The following SMUG1 variants were observed in gnomAD, a reference collection of about 807,000 sequenced individuals.
SMUG1 encodes the protein single-strand selective monofunctional uracil DNA glycosylase.
Under a neutral mutation model 23.9 loss-of-function variants are expected in SMUG1, and 13 were observed. That is an observed-to-expected ratio of 0.54 (90% CI 0.35 to 0.86). The LOEUF (loss-of-function observed/expected upper bound fraction) is 0.86, where lower values mean the gene tolerates loss of function less well. Ranked by LOEUF, SMUG1 falls within the 40% of genes least tolerant of loss-of-function variation. SMUG1 has a pLI of 0.01. For missense variants in SMUG1, 313 were observed against 339.5 expected, an observed-to-expected ratio of 0.92 and a Z score of 0.61; for synonymous variants, 133 against 139.8, an observed-to-expected ratio of 0.95 and a Z score of 0.34.
chr12:54,164,653 T>G (rs1247033636), downstream of SMUG1: 1 of 152,322 alleles, frequency 6.6e-6, no homozygotes, highest in Admixed American at 6.5e-5. Flanking sequence ...GGGAGGGGCT[T>G]GGACTCTGTT....
At chr12:54,173,597 G>A (rs1347460269) in intron 2 of SMUG1, among the ~76,000 whole-genome samples, 3 of 152,156 alleles carry the variant, frequency 2.0e-5, no homozygotes, top group Non-Finnish European at 4.4e-5. Context: ...CCTCATCGCC[G>A]CGCGGGCTGG....
At chr12:54,178,250 A>T (rs1940801536), downstream of SMUG1, among the ~76,000 whole-genome samples, 1 of 152,082 alleles carries the variant, frequency 6.6e-6, no homozygotes, top group East Asian at 1.9e-4. Context: ...GCAGTGTAAT[A>T]CAGTGTCCTT....
At position 54,183,883 on chromosome 12, in the gene SMUG1, G is replaced by A; in HGVS notation, c.58C>T (p.Pro20Ser). 1 of 1,608,538 alleles carries A rather than the reference G, an allele frequency of 6.2e-7. No homozygotes were observed. Among genetic ancestry groups the A allele is most frequent in the Non-Finnish European group, 8.5e-7 (1 of 1,177,548 alleles). ...IHEPAGALME[P>S]QPCPGSLAES... ...GCCAAGCTTCCAGGGCAGGGCTGGGGCTCCATGAGGGCACCTGCAGGCTCA... is the reference window on the plus strand; with the variant it reads ...GCCAAGCTTCCAGGGCAGGGCTGGGACTCCATGAGGGCACCTGCAGGCTCA... Residue 20 changes from proline (P) to serine (S), a missense_variant, in exon 3 of 4, where the codon CCC (proline) becomes TCC (serine). By Grantham distance (74) the Pro-to-Ser change is moderately conservative. Transcript: ENST00000682136.
intron 3 of SMUG1, among the ~76,000 whole-genome samples, chr12:54,170,423 A>C (rs2093515277): frequency 6.6e-6 from 1 of 152,058 alleles, no homozygotes; most frequent in Admixed American, 6.6e-5. Flanking sequence ...AGGGGAATGA[A>C]GCAGTGGCCC....
At position 54,182,583 on chromosome 12, in the gene SMUG1, C is replaced by A; in HGVS notation, c.326G>T (p.Gly109Val). Reference protein sequence around the residue: ...GEVSMVRDWLGIVGPVLTPPQ... With the variant: ...GEVSMVRDWLVIVGPVLTPPQ... ...AGGGGTCAGCACAGGCCCCACAATG[C>A]CCAACCAGTCCCGGACCATGCTTAC... The change falls in exon 4 of 4, where the codon GGC becomes GTC. Residue 109 changes from glycine to valine, a missense_variant. Gly to Val is a moderately radical substitution (Grantham distance 109). Transcript: ENST00000682136. 1 of 1,613,952 alleles carries A rather than the reference C, an allele frequency of 6.2e-7. No homozygotes were observed. Among genetic ancestry groups the A allele is most frequent in the Non-Finnish European group, 8.5e-7 (1 of 1,179,942 alleles).
chr12:54,171,420 G>A (rs547165071), intron 3 of SMUG1, among the ~76,000 whole-genome samples: 9 of 151,102 alleles, frequency 6.0e-5, no homozygotes, highest in East Asian at 2.0e-4. Flanking sequence ...GGTCGGGCGC[G>A]GTGGCTCACA....
At chr12:54,167,745 T>G (rs532666795) in intron 3 of SMUG1, among the ~76,000 whole-genome samples, 8 of 152,338 alleles carry the variant, frequency 5.3e-5, no homozygotes, top group African/African-American at 1.9e-4. Flanking sequence ...GTTCAAGGAA[T>G]ATGCCCTGAA....
chr12:54,160,808 G>A (rs937654219), downstream of SMUG1, among the ~76,000 whole-genome samples: 6 of 152,158 alleles, frequency 3.9e-5, no homozygotes, highest in South Asian at 2.1e-4. Flanking sequence ...TAGTCAAGCC[G>A]CACCCCCAAC....
At position 54,182,047 on chromosome 12, in the gene SMUG1, G is replaced by A. The variant is rs1941179145; in HGVS notation, c.*49C>T. Reference sequence around the variant, plus strand: ...GATGTGTTGTCATCTGCTTGGCCAAGAATGACTTCGAGGTCTTGAATGTGT... The same window carrying A: ...GATGTGTTGTCATCTGCTTGGCCAAAAATGACTTCGAGGTCTTGAATGTGT... On this transcript the variant is annotated 3_prime_UTR_variant, in exon 4 of 4. Transcript: ENST00000682136. 6.6e-7 allele frequency: 1 copy of A among 1,514,100 alleles called. No homozygotes were observed. Among genetic ancestry groups the A allele is most frequent in the Non-Finnish European group, 8.8e-7 (1 of 1,132,424 alleles). The allele number at this position is 1,514,100 out of a possible 1,614,324, so 93.8% of individuals were successfully genotyped here. A position where few individuals can be genotyped will look rare whatever the true frequency, so the allele number is the denominator to read the frequency against.
chr12:54,171,282 G>C (rs188143909), intron 3 of SMUG1, among the ~76,000 whole-genome samples: 107 of 151,820 alleles, frequency 7.0e-4, no homozygotes, highest in Admixed American at 2.0e-3. Context: ...TTACAGGTGT[G>C]AGCCACCACG....
chr12:54,171,433 T>G (rs1256277496), intron 3 of SMUG1, among the ~76,000 whole-genome samples: 2 of 150,348 alleles, frequency 1.3e-5, no homozygotes, highest in African/African-American at 4.9e-5. Context: ...GGCTCACACT[T>G]GTAATCCCAG....
At chr12:54,171,921 T>G (rs903121059) in intron 3 of SMUG1, 20 of 351,980 alleles carry the variant, frequency 5.7e-5, no homozygotes, top group Admixed American at 5.5e-4. Flanking sequence ...TTTCATACGC[T>G]CTCACTAATC....
At chr12:54,184,745 A>T (rs1354805923) in intron 2 of SMUG1, among the ~76,000 whole-genome samples, 3 of 152,138 alleles carry the variant, frequency 2.0e-5, no homozygotes, top group Admixed American at 1.3e-4. Flanking sequence ...TCTTTCCCAC[A>T]CTCAGGAATA....
downstream of SMUG1, among the ~76,000 whole-genome samples, chr12:54,159,927 T>C (rs150057385): frequency 1.7e-3 from 254 of 152,336 alleles, 1 homozygote; most frequent in African/African-American, 5.8e-3. Flanking sequence ...TGGGCACAGA[T>C]GGGCGTGTTG....
chr12:54,178,129 T>C (rs1169649456), downstream of SMUG1, among the ~76,000 whole-genome samples: 1 of 152,186 alleles, frequency 6.6e-6, no homozygotes. Flanking sequence ...AGGAGAGGCC[T>C]CAGGAAAGAT....
chr12:54,187,339 G>C (rs1008009290), intron 2 of SMUG1: 2 of 152,194 alleles, frequency 1.3e-5, no homozygotes, highest in African/African-American at 4.8e-5. Flanking sequence ...CCCAACTTAG[G>C]AAGTCCTTCC....
chr12:54,181,556 ACT>A lies in SMUG1; in HGVS notation c.*538_*539del. The A allele has an allele frequency of 6.5e-7, 1 of 1,547,536 alleles. No homozygotes were observed. The highest frequency in any genetic ancestry group is 8.7e-7 in the Non-Finnish European group (1 of 1,152,700). On this transcript the variant is annotated 3_prime_UTR_variant, in exon 4 of 4. Coordinates refer to ENST00000682136, the MANE Select transcript of SMUG1 (RefSeq NM_001243787.2). Reference sequence around the variant, plus strand: ...TGAAAAGCCAGGTCTTCTGACTTGCACTCTGTCACACTGGATTTTTCCTCTGA... The same window carrying A: ...TGAAAAGCCAGGTCTTCTGACTTGCACTGTCACACTGGATTTTTCCTCTGA...
chr12:54,177,342 G>A (rs1360882720), downstream of SMUG1, among the ~76,000 whole-genome samples: 1 of 152,090 alleles, frequency 6.6e-6, no homozygotes, highest in African/African-American at 2.4e-5. Flanking sequence ...GGATTCACTG[G>A]CAGGGTTGTA....
At chr12:54,180,164 G>C (rs1313611971), downstream of SMUG1, among the ~76,000 whole-genome samples, 2 of 152,190 alleles carry the variant, frequency 1.3e-5, no homozygotes, top group Non-Finnish European at 2.9e-5. Flanking sequence ...TGGTCATTCT[G>C]GCATGGTCAG....
Sources: allele counts gnomAD v4.1 joint callset (sites outside exome capture counted in the v4.1 genomes callset), GRCh38; gene constraint gnomAD v4.1.1; transcripts MANE v1.5; gene names NCBI Gene and HGNC (gene_info 2026-07-23, HGNC 2026-07-21).